MTNR1B: variants seen among roughly 807,000 people sequenced by gnomAD.
MTNR1B encodes the protein melatonin receptor 1B, also known as melatonin receptor type 1B.
MTNR1B carries 7 observed loss-of-function variants against 7.0 expected under a neutral mutation model. The ratio of observed to expected loss-of-function variants is 1.00; its 90% CI spans 0.57 to 1.88. The LOEUF is 1.88. MTNR1B is among the 40% of genes most tolerant of loss of function. The pLI is 0.00. For synonymous variants in MTNR1B, 226 were observed against 208.2 expected (o/e 1.09, Z -0.74); for missense variants, 478 against 486.5 (o/e 0.98, Z 0.16).
At chr11:92,974,495 C>T (rs945197545) in intron 1 of MTNR1B, among the ~76,000 whole-genome samples, 1 of 152,114 alleles carries the variant, frequency 6.6e-6, no homozygotes, top group African/African-American at 2.4e-5. Context: ...CAGAGTTTCA[C>T]TCTTGTTGCC....
At chr11:92,977,201 T>C (rs932471692) in intron 1 of MTNR1B, among the ~76,000 whole-genome samples, 5 of 152,238 alleles carry the variant, frequency 3.3e-5, no homozygotes, top group Non-Finnish European at 5.9e-5. Flanking sequence ...TTTTGTTTTC[T>C]AATTAAATCA....
intron 1 of MTNR1B, among the ~76,000 whole-genome samples, chr11:92,973,145 C>A (rs1857960386): frequency 6.6e-6 from 1 of 152,128 alleles, no homozygotes. Context: ...TCCTTTTTCT[C>A]TTCATCTCCC....
At chr11:92,979,422 T>C (rs1346844700) in intron 1 of MTNR1B, among the ~76,000 whole-genome samples, 2 of 152,212 alleles carry the variant, frequency 1.3e-5, no homozygotes, top group Non-Finnish European at 1.5e-5. Flanking sequence ...AAGCAGGTCC[T>C]TGTTGCACAT....
chr11:92,977,470 A>G (rs1858027743), intron 1 of MTNR1B, among the ~76,000 whole-genome samples: 1 of 152,260 alleles, frequency 6.6e-6, no homozygotes, highest in East Asian at 1.9e-4. Flanking sequence ...GTTATTTCTC[A>G]TGACCTTTCC....
Position 92,972,724 on chromosome 11 carries a change from G to A in MTNR1B, c.223+2776G>A, listed in dbSNP as rs187789298. 3.5e-3 allele frequency: 1,224 copies of A among 353,280 alleles called. 7 individuals carry two copies. Among genetic ancestry groups the A allele is most frequent in the South Asian group, 9.4e-3 (434 of 46,168 alleles). 21.9% of individuals were successfully genotyped at this position (353,280 alleles called of 1,614,324 possible). A position where few individuals can be genotyped will look rare whatever the true frequency, so the allele number is the denominator to read the frequency against. ...CACACTTTTGACTCTACTGAGAGCC[G>A]TTGAGAACTTTCCCTCCTGGGCTCA... is the stretch of plus-strand genomic sequence containing the variant. On this transcript the variant is annotated intron_variant, in intron 1 of 1. Transcript: ENST00000257068.
downstream of MTNR1B, chr11:92,984,658 T>C (rs141955340): frequency 3.3e-6 from 1 of 299,676 alleles, no homozygotes; most frequent in African/African-American, 2.2e-5. Flanking sequence ...CTTATCCCTA[T>C]CTTTCAGTGC....
intron 1 of MTNR1B, among the ~76,000 whole-genome samples, chr11:92,973,194 A>C (rs1032251703): frequency 6.7e-6 from 1 of 149,884 alleles, no homozygotes; most frequent in African/African-American, 2.5e-5. Context: ...GGTTCCTCCT[A>C]CTCTTTCATT....
Position 92,974,235 on chromosome 11 carries a change from G to GTCTT in MTNR1B, c.223+4290_223+4293dup, listed in dbSNP as rs1003618628. Among the ~76,000 whole-genome samples the GTCTT allele has an allele frequency of 3.9e-5, 6 of 152,286 alleles. No homozygotes were observed. In the Middle Eastern group the frequency reaches 0.01, roughly 259 times the overall value. ...GGAGGTAATTGAATCATGAGAGCAA[G>GTCTT]TCTTTCCCATGCTGTTCTCACAATA... is the stretch of plus-strand genomic sequence containing the variant. On this transcript the variant is annotated intron_variant, in intron 1 of 1. Transcript: ENST00000257068.
intron 1 of MTNR1B, among the ~76,000 whole-genome samples, chr11:92,974,060 C>T (rs1565178852): frequency 6.6e-6 from 1 of 152,218 alleles, no homozygotes; most frequent in African/African-American, 2.4e-5. Context: ...TGTGATTCTC[C>T]TGTGTGAGTA....
chr11:92,974,761 C>T (rs139710126), intron 1 of MTNR1B, among the ~76,000 whole-genome samples: 2,693 of 152,300 alleles, frequency 0.018, 93 homozygotes, highest in African/African-American at 0.06. Context: ...CGCCACCTCG[C>T]CCGGCTAATT....
chr11:92,983,959 C>T (rs1447260523), downstream of MTNR1B, among the ~76,000 whole-genome samples: 1 of 152,164 alleles, frequency 6.6e-6, no homozygotes, highest in Non-Finnish European at 1.5e-5. Context: ...TGCCAGAATT[C>T]AGATAGCTAT....
intron 1 of MTNR1B, among the ~76,000 whole-genome samples, chr11:92,975,771 G>A (rs1858001677): frequency 6.6e-6 from 1 of 152,162 alleles, no homozygotes; most frequent in Admixed American, 6.5e-5. Flanking sequence ...TAGGCCCACA[G>A]CCCCTACCCT....
chr11:92,976,958 TA>T (rs1204020054), intron 1 of MTNR1B, among the ~76,000 whole-genome samples: 8 of 152,260 alleles, frequency 5.3e-5, no homozygotes, highest in African/African-American at 1.9e-4. Context: ...AAAACTATAC[TA>T]TCAACTTCAC....
At position 92,982,391 on chromosome 11, in the gene MTNR1B, C is replaced by A. The variant is rs1004631872; in HGVS notation, c.*79C>A. On this transcript the variant is annotated 3_prime_UTR_variant, in exon 2 of 2. Coordinates refer to ENST00000257068, the MANE Select transcript of MTNR1B (RefSeq NM_005959.5). The stretch of plus-strand genomic sequence containing the variant: ...AGTCTGCTGCAAGGGTGAGACCAGG[C>A]AGCCTGCTGGGCCACACTGTCCTGT... The A allele has an allele frequency of 2.0e-6, 3 of 1,492,656 alleles. No homozygotes were observed. Among genetic ancestry groups the A allele is most frequent in the Non-Finnish European group, 2.7e-6 (3 of 1,116,292 alleles). 92.5% of individuals were successfully genotyped at this position (1,492,656 alleles called of 1,614,324 possible). A position where few individuals can be genotyped will look rare whatever the true frequency, so the allele number is the denominator to read the frequency against.
intron 1 of MTNR1B, among the ~76,000 whole-genome samples, chr11:92,972,988 G>A (rs1412457471): frequency 3.9e-5 from 6 of 152,006 alleles, no homozygotes; most frequent in Admixed American, 3.3e-4. Flanking sequence ...GACATCTACT[G>A]GTTCTACCCC....
In MTNR1B at chr11:92,975,570, G is replaced by C. The variant is rs796388231; in HGVS notation, c.223+5622G>C. Among the ~76,000 whole-genome samples the C allele has an allele frequency of 3.3e-5, 5 of 152,308 alleles. No individual in the cohort carries two copies. In the South Asian group the frequency reaches 1.0e-3, roughly 32 times the overall value. On this transcript the variant is annotated intron_variant, in intron 1 of 1. Coordinates refer to ENST00000257068, the MANE Select transcript of MTNR1B (RefSeq NM_005959.5). ...CTATCCAGAACCAGTAACTGCCTGG[G>C]AGGTTCCTGATGGGAATATTCTGCC...
intron 1 of MTNR1B, among the ~76,000 whole-genome samples, chr11:92,971,867 C>A (rs896977863): frequency 1.4e-4 from 21 of 152,178 alleles, no homozygotes; most frequent in Non-Finnish European, 2.9e-5. Context: ...AAATTGCTGG[C>A]ATATCCTCTG....
chr11:92,982,219 C>T lies in MTNR1B; in HGVS notation c.996C>T (p.Cys332=). ...TGGCCCTTTGGAACCCACGGCACTGCATTCAAGATGCTTCCAAGGGCAGCC... is the reference window on the plus strand; with the variant it reads ...TGGCCCTTTGGAACCCACGGCACTGTATTCAAGATGCTTCCAAGGGCAGCC... ...ILLALWNPRH[C]IQDASKGSHA... The change falls in exon 2 of 2, where the codon TGC becomes TGT. Residue 332 remains cysteine (C), a synonymous_variant. Coordinates refer to ENST00000257068, the MANE Select transcript of MTNR1B (RefSeq NM_005959.5). 6.2e-7 allele frequency: 1 copy of T among 1,614,242 alleles called. No homozygotes were observed. The highest frequency in any genetic ancestry group is 8.5e-7 in the Non-Finnish European group (1 of 1,180,038).
At chr11:92,973,489 C>G (rs1191046840) in intron 1 of MTNR1B, among the ~76,000 whole-genome samples, 1 of 152,150 alleles carries the variant, frequency 6.6e-6, no homozygotes, top group Non-Finnish European at 1.5e-5. Flanking sequence ...GCCTCATTGC[C>G]CTCCTCTCAC....
Sources: allele counts gnomAD v4.1 joint callset (sites outside exome capture counted in the v4.1 genomes callset), GRCh38; gene constraint gnomAD v4.1.1; transcripts MANE v1.5; gene names NCBI Gene and HGNC (gene_info 2026-07-23, HGNC 2026-07-21).